The following AGR3 variants were observed in gnomAD, a reference collection of about 807,000 sequenced individuals.
AGR3 encodes anterior gradient 3, protein disulphide isomerase family member.
In AGR3, 37 loss-of-function variants were observed where a neutral mutation model predicts 24.5. The ratio of observed to expected loss-of-function variants is 1.51; its 90% CI spans 1.16 to 1.99. The LOEUF is 1.99. Ranked by LOEUF, AGR3 falls within the 30% of genes most tolerant of loss-of-function variation. The pLI is 0.00. For missense variants in AGR3, 228 were observed against 191.1 expected, an observed-to-expected ratio of 1.19 and a Z score of -1.14; for synonymous variants, 75 against 61.6, an observed-to-expected ratio of 1.22 and a Z score of -1.02.
At position 16,859,717 on chromosome 7, in the gene AGR3, C is replaced by T; in HGVS notation, c.452-86G>A. The T allele has an allele frequency of 3.5e-6, 3 of 859,494 alleles. No individual in the cohort carries two copies. The South Asian group carries it at 5.3e-5, about 15-fold the overall frequency. 53.2% of individuals were successfully genotyped at this position (859,494 alleles called of 1,614,324 possible). A position where few individuals can be genotyped will look rare whatever the true frequency, so the allele number is the denominator to read the frequency against. On this transcript the variant is annotated intron_variant, in intron 7 of 7. Coordinates refer to ENST00000310398, the MANE Select transcript of AGR3 (RefSeq NM_176813.5). Reference sequence around the variant, plus strand: ...TATTAACTCTAGAACCTGAAATTGGCCCATTTAAATTAATAGCTTTGAACA... The same window carrying T: ...TATTAACTCTAGAACCTGAAATTGGTCCATTTAAATTAATAGCTTTGAACA...
chr7:16,877,813 A>G (rs1261758171), intron 2 of AGR3, among the ~76,000 whole-genome samples: 2 of 151,302 alleles, frequency 1.3e-5, no homozygotes, highest in Admixed American at 6.6e-5. Flanking sequence ...CAGTGAGCCA[A>G]GATCGTGCCA....
intron 3 of AGR3, among the ~76,000 whole-genome samples, chr7:16,869,682 T>G (rs1416743035): frequency 5.3e-5 from 8 of 151,342 alleles, no homozygotes; most frequent in African/African-American, 1.7e-4. Context: ...TGTTTTTTTT[T>G]TTTTTTTTTT....
chr7:16,879,917 A>T (rs1157988682), intron 1 of AGR3, among the ~76,000 whole-genome samples: 1 of 152,048 alleles, frequency 6.6e-6, no homozygotes, highest in East Asian at 1.9e-4. Flanking sequence ...ACATTTCCTC[A>T]TTCCTCCCAT....
intron 3 of AGR3, among the ~76,000 whole-genome samples, chr7:16,872,304 G>A (rs918210080): frequency 2.6e-5 from 4 of 152,188 alleles, no homozygotes; most frequent in East Asian, 1.9e-4. Flanking sequence ...ATAAATCCAC[G>A]TATTTAAAGT....
intron 1 of AGR3, among the ~76,000 whole-genome samples, 193 bp downstream of exon 1, chr7:16,881,751 C>T (rs947917382): frequency 6.7e-6 from 1 of 148,222 alleles, no homozygotes; most frequent in Middle Eastern, 3.4e-3. Flanking sequence ...TATTCTAATA[C>T]CATTAATATA....
chr7:16,874,439 T>C (rs1184937932), intron 2 of AGR3, among the ~76,000 whole-genome samples: 3 of 151,938 alleles, frequency 2.0e-5, no homozygotes, highest in Non-Finnish European at 4.4e-5. Flanking sequence ...AAGCAATGAA[T>C]ATAGAGAGAA....
At chr7:16,864,029 A>G (rs2115301835) in intron 3 of AGR3, among the ~76,000 whole-genome samples, 1 of 152,216 alleles carries the variant, frequency 6.6e-6, no homozygotes, top group East Asian at 1.9e-4. Flanking sequence ...TCCTTAAACC[A>G]CTCATAGATT....
intron 1 of AGR3, among the ~76,000 whole-genome samples, chr7:16,880,377 T>A (rs1782087032): frequency 6.6e-6 from 1 of 151,940 alleles, no homozygotes; most frequent in African/African-American, 2.4e-5. Context: ...GCCAGGCTGA[T>A]CTCAAACTCC....
At chr7:16,865,352 T>G in intron 3 of AGR3, 1 of 1,139,818 alleles carries the variant, frequency 8.8e-7, no homozygotes, top group Non-Finnish European at 1.3e-6. Context: ...CTAGAGAAGT[T>G]TTGTCAGGGA....
At chr7:16,880,068 C>CTTCCCCTTCCTTCT (rs1184577049) in intron 1 of AGR3, among the ~76,000 whole-genome samples, 1 of 150,030 alleles carries the variant, frequency 6.7e-6, no homozygotes, top group African/African-American at 2.5e-5. Flanking sequence ...CCCTTCCTTC[C>CTTCCCCTTCCTTCT]TTCCCCTTCC....
downstream of AGR3, among the ~76,000 whole-genome samples, chr7:16,855,223 T>C (rs1359519226): frequency 6.6e-6 from 1 of 152,194 alleles, no homozygotes; most frequent in African/African-American, 2.4e-5. Flanking sequence ...CTTATTCCCA[T>C]TTTTAATGAC....
chr7:16,873,181 T>C (rs954800194), intron 3 of AGR3, among the ~76,000 whole-genome samples: 1 of 152,128 alleles, frequency 6.6e-6, no homozygotes, highest in Non-Finnish European at 1.5e-5. Context: ...AGCCAAGATA[T>C]AGAATCAACC....
chr7:16,861,371 A>T lies in AGR3; in HGVS notation c.367+13T>A. On this transcript the variant is annotated intron_variant, in intron 6 of 7. Transcript: ENST00000310398. ...AATTTTGTAGATCTGATGAAATGAG[A>T]TCACATACATACCTACAAACATGAT... 1 of 1,579,592 alleles carries T rather than the reference A, an allele frequency of 6.3e-7. No individual in the cohort carries two copies. Among genetic ancestry groups the T allele is most frequent in the Non-Finnish European group, 8.6e-7 (1 of 1,161,998 alleles).
chr7:16,855,714 T>C (rs1040896624), downstream of AGR3, among the ~76,000 whole-genome samples: 10 of 152,218 alleles, frequency 6.6e-5, 1 homozygote, highest in Admixed American at 5.9e-4. Flanking sequence ...GTAAGGAGGT[T>C]CATGAATATA....
downstream of AGR3, among the ~76,000 whole-genome samples, chr7:16,856,975 G>C (rs1031782736): frequency 3.9e-5 from 4 of 103,710 alleles, no homozygotes; most frequent in African/African-American, 1.7e-4. Context: ...AATATAGAAA[G>C]GTTTTTTTTT....
intron 1 of AGR3, among the ~76,000 whole-genome samples, chr7:16,880,313 A>T (rs1334183316): frequency 1.3e-5 from 2 of 151,534 alleles, no homozygotes; most frequent in African/African-American, 4.9e-5. Context: ...GGTGTCCACC[A>T]TCATGCCCGG....
At chr7:16,873,272 T>G (rs1781920118) in intron 3 of AGR3, 1 of 152,570 alleles carries the variant, frequency 6.6e-6, no homozygotes, top group Non-Finnish European at 1.5e-5. Flanking sequence ...ATAAAAATAA[T>G]GAAATGCTCT....
chr7:16,860,850 T>C (rs1226334684), intron 6 of AGR3, among the ~76,000 whole-genome samples: 1 of 152,194 alleles, frequency 6.6e-6, no homozygotes, highest in African/African-American at 2.4e-5. Flanking sequence ...CCTCTCTTTA[T>C]GTCCATGTGT....
chr7:16,881,194 G>C (rs989195989), intron 1 of AGR3, among the ~76,000 whole-genome samples: 19 of 152,182 alleles, frequency 1.2e-4, no homozygotes, highest in African/African-American at 4.3e-4. Flanking sequence ...TTTTAAAGCT[G>C]CGAAGCTTAG....
Sources: gnomAD v4.1 joint callset for allele counts (sites outside exome capture counted in the v4.1 genomes callset) on GRCh38, gnomAD v4.1.1 for gene constraint, MANE v1.5 for transcripts, NCBI Gene and HGNC (gene_info 2026-07-23, HGNC 2026-07-21) for gene names.